Variants in ANKS1B observed in about 807,000 individuals in gnomAD.
ANKS1B encodes the protein ankyrin repeat and sterile alpha motif domain containing 1B.
Under a neutral mutation model 148.3 loss-of-function variants are expected in ANKS1B, and 36 were observed. The ratio of observed to expected loss-of-function variants is 0.24; its 90% CI spans 0.19 to 0.32. The LOEUF (loss-of-function observed/expected upper bound fraction) is 0.32, where lower values mean the gene tolerates loss of function less well. Among genes scored for constraint, ANKS1B ranks in the 10% least tolerant of loss-of-function variants. ANKS1B has a pLI of 1.00. For missense variants in ANKS1B, 1,157 were observed against 1,542.6 expected, an observed-to-expected ratio of 0.75 and a Z score of 4.19; for synonymous variants, 542 against 560.8, an observed-to-expected ratio of 0.97 and a Z score of 0.47.
chr12:99,368,702 G>A (rs2092922322), intron 12 of ANKS1B, among the ~76,000 whole-genome samples: 1 of 151,970 alleles, frequency 6.6e-6, no homozygotes, highest in Admixed American at 6.6e-5. Context: ...TACAGTGGTT[G>A]AGAAAAGAAA....
chr12:99,299,386 G>A, intron 12 of ANKS1B, among the ~76,000 whole-genome samples: 1 of 152,134 alleles, frequency 6.6e-6, no homozygotes, highest in East Asian at 1.9e-4. Flanking sequence ...GCAGGAAGGA[G>A]AGCTTGTGAG....
intron 17 of ANKS1B, among the ~76,000 whole-genome samples, chr12:98,878,426 T>C (rs2099697394): frequency 6.6e-6 from 1 of 151,182 alleles, no homozygotes. Context: ...GCCTAAACTC[T>C]GAAAAAGTCA....
chr12:98,990,566 G>GAA (rs146384725), intron 17 of ANKS1B, among the ~76,000 whole-genome samples: 272 of 116,920 alleles, frequency 2.3e-3, no homozygotes, highest in Non-Finnish European at 3.5e-3. Flanking sequence ...GAGAGAGAGA[G>GAA]AAAAAAAAAA....
At chr12:99,840,495 G>GA (rs1037828756) in intron 1 of ANKS1B, among the ~76,000 whole-genome samples, 8 of 152,060 alleles carry the variant, frequency 5.3e-5, no homozygotes, top group African/African-American at 1.9e-4. Context: ...GAAGCAAGGA[G>GA]ATCAGTTAGG....
intron 12 of ANKS1B, among the ~76,000 whole-genome samples, chr12:99,364,956 C>T (rs1042791427): frequency 6.6e-6 from 1 of 152,052 alleles, no homozygotes; most frequent in Admixed American, 6.5e-5. Context: ...TAGAATTGGT[C>T]CCCCCACCCC....
chr12:99,273,160 T>C (rs1044045435), intron 12 of ANKS1B, among the ~76,000 whole-genome samples: 1 of 152,184 alleles, frequency 6.6e-6, no homozygotes, highest in South Asian at 2.1e-4. Flanking sequence ...TGTTCTTAGT[T>C]CTACTTTCTG....
At chr12:99,182,228 A>G (rs1479764340) in intron 14 of ANKS1B, among the ~76,000 whole-genome samples, 3 of 152,118 alleles carry the variant, frequency 2.0e-5, no homozygotes, top group Non-Finnish European at 4.4e-5. Flanking sequence ...TGAGAACAGC[A>G]TGGGGGAAAC....
chr12:99,667,627 A>C (rs895415179), intron 8 of ANKS1B, among the ~76,000 whole-genome samples: 6 of 152,168 alleles, frequency 3.9e-5, no homozygotes, highest in South Asian at 4.1e-4. Flanking sequence ...TACAATGTTG[A>C]ATACAAATCT....
chr12:99,615,658 T>C (rs778734716), intron 9 of ANKS1B, among the ~76,000 whole-genome samples: 6 of 152,270 alleles, frequency 3.9e-5, no homozygotes, highest in Non-Finnish European at 8.8e-5. Context: ...TAATAAGAGC[T>C]ATTTATGACA....
chr12:99,788,010 T>G (rs2065188407), intron 4 of ANKS1B, among the ~76,000 whole-genome samples: 1 of 152,206 alleles, frequency 6.6e-6, no homozygotes, highest in Non-Finnish European at 1.5e-5. Context: ...CAGGCTGAAG[T>G]GCTCTGGGAT....
intron 10 of ANKS1B, among the ~76,000 whole-genome samples, chr12:99,486,694 T>C (rs1018099003): frequency 3.3e-5 from 5 of 151,416 alleles, no homozygotes; most frequent in Admixed American, 2.0e-4. Flanking sequence ...AGGGGAAGAG[T>C]TGCAGTTACC....
At chr12:99,747,448 G>C (rs2060699194) in intron 8 of ANKS1B, among the ~76,000 whole-genome samples, 1 of 151,948 alleles carries the variant, frequency 6.6e-6, no homozygotes, top group African/African-American at 2.4e-5. Context: ...CCAGAGAAAT[G>C]CAACTGTTTC....
chr12:99,642,896 C>T (rs762266704), intron 9 of ANKS1B, among the ~76,000 whole-genome samples: 9 of 152,150 alleles, frequency 5.9e-5, no homozygotes, highest in Non-Finnish European at 1.3e-4. Context: ...TAGCCTCTTC[C>T]TCCATCTTCA....
At chr12:99,505,153 T>A (rs1334991068) in intron 9 of ANKS1B, among the ~76,000 whole-genome samples, 1 of 152,088 alleles carries the variant, frequency 6.6e-6, no homozygotes, top group Non-Finnish European at 1.5e-5. Context: ...AGTTTTGATA[T>A]CTGGAGCTAG....
At chr12:99,515,783 G>C (rs905244909) in intron 9 of ANKS1B, among the ~76,000 whole-genome samples, 1 of 152,002 alleles carries the variant, frequency 6.6e-6, no homozygotes, top group African/African-American at 2.4e-5. Context: ...CCCACCAACA[G>C]TGTACCATGG....
chr12:98,955,209 G>A (rs1165568608), intron 17 of ANKS1B, among the ~76,000 whole-genome samples: 1 of 152,084 alleles, frequency 6.6e-6, no homozygotes, highest in Non-Finnish European at 1.5e-5. Flanking sequence ...CTTGGAATTG[G>A]GGAGGTATAC....
intron 9 of ANKS1B, among the ~76,000 whole-genome samples, chr12:99,575,826 A>C (rs1052470645): frequency 6.6e-6 from 1 of 152,112 alleles, no homozygotes; most frequent in Non-Finnish European, 1.5e-5. Flanking sequence ...CACTGAAACT[A>C]TAAAGCAACT....
chr12:99,910,219 G>T (rs1462466142), intron 1 of ANKS1B, among the ~76,000 whole-genome samples: 1 of 151,954 alleles, frequency 6.6e-6, no homozygotes, highest in African/African-American at 2.4e-5. Context: ...GCTGGGCATG[G>T]TGCCCCGTGC....
At chr12:98,784,506 T>C (rs1274633453) in intron 22 of ANKS1B, among the ~76,000 whole-genome samples, 1 of 152,224 alleles carries the variant, frequency 6.6e-6, no homozygotes, top group African/African-American at 2.4e-5. Flanking sequence ...GCTACTTTCA[T>C]TGGGCTTACT....
Sources: allele counts gnomAD v4.1 joint callset (sites outside exome capture counted in the v4.1 genomes callset), GRCh38; gene constraint gnomAD v4.1.1; transcripts MANE v1.5; gene names NCBI Gene and HGNC (gene_info 2026-07-23, HGNC 2026-07-21).